PLEKHG1: variants seen among roughly 807,000 people sequenced by gnomAD.
PLEKHG1 encodes the protein pleckstrin homology domain-containing family G member 1.
PLEKHG1 carries 44 observed loss-of-function variants against 100.8 expected under a neutral mutation model. The ratio of observed to expected loss-of-function variants is 0.44; its 90% confidence interval spans 0.34 to 0.56. PLEKHG1 has a LOEUF of 0.56. Among genes scored for constraint, PLEKHG1 ranks in the 20% least tolerant of loss-of-function variants. The pLI, the probability that PLEKHG1 is intolerant of heterozygous loss-of-function variation, is 0.01. For synonymous variants in PLEKHG1, 640 were observed against 662.5 expected (o/e 0.97, Z 0.52); for missense variants, 1,545 against 1,720.9 (o/e 0.90, Z 1.81).
exon 2 of PLEKHG1, chr6:150,733,645 G>T: frequency 1.2e-6 from 2 of 1,613,998 alleles, no homozygotes; most frequent in South Asian, 2.2e-5. Context: ...ATCCCAAGAC[G>T]ACAGCCAGGC....
intron 2 of PLEKHG1, among the ~76,000 whole-genome samples, chr6:150,749,321 G>C (rs12662134): frequency 0.34 from 52,026 of 152,070 alleles, 13,508 homozygotes; most frequent in African/African-American, 0.73. Flanking sequence ...GAGATCCAGC[G>C]TGGACAGGTG....
intron 3 of PLEKHG1, among the ~76,000 whole-genome samples, chr6:150,779,351 T>G (rs1036559144): frequency 2.0e-5 from 3 of 146,362 alleles, no homozygotes; most frequent in Admixed American, 6.8e-5. Flanking sequence ...GAAGTTTTTT[T>G]TTTTTTTTTT....
intron 2 of PLEKHG1, among the ~76,000 whole-genome samples, chr6:150,741,385 G>A (rs575090023): frequency 1.3e-5 from 2 of 152,266 alleles, no homozygotes; most frequent in East Asian, 1.9e-4. Flanking sequence ...GGCAATGAGT[G>A]TCTTGTGACA....
chr6:150,833,786 A>G (rs1777085857), intron 15 of PLEKHG1, among the ~76,000 whole-genome samples: 1 of 152,190 alleles, frequency 6.6e-6, no homozygotes, highest in Admixed American at 6.5e-5. Flanking sequence ...ATCAAATGAG[A>G]GGAGTCTATT....
rs1776303772 is a variant in PLEKHG1 at position 150,600,554 on chromosome 6, T to G, written c.-204+537T>G. On this transcript the variant is annotated intron_variant, in intron 1 of 3. Transcript: ENST00000367326. The surrounding 1 kb of genome is among the most constrained non-coding windows in gnomAD (Gnocchi z 6.2). ...GCGGTGGGGGCGGCGGCCGAGCTGC[T>G]GCGGCGCTCAGGGCTTGGGGGCGCC... Among the ~76,000 whole-genome samples the G allele has an allele frequency of 6.6e-6, 1 of 152,014 alleles. No individual in the cohort carries two copies.
intron 1 of PLEKHG1, among the ~76,000 whole-genome samples, chr6:150,625,172 T>C (rs1455119455): frequency 6.6e-6 from 1 of 152,020 alleles, no homozygotes; most frequent in Non-Finnish European, 1.5e-5. Flanking sequence ...TTTTAAAAAC[T>C]ATAAAATAAG....
intron 2 of PLEKHG1, among the ~76,000 whole-genome samples, chr6:150,737,384 C>T (rs996953280): frequency 6.6e-6 from 1 of 150,864 alleles, no homozygotes; most frequent in African/African-American, 2.5e-5. Flanking sequence ...CTCCGCTTCC[C>T]GGGTTCACGC....
intron 3 of PLEKHG1, among the ~76,000 whole-genome samples, chr6:150,654,567 C>T (rs1353094200): frequency 6.6e-6 from 1 of 152,200 alleles, no homozygotes; most frequent in African/African-American, 2.4e-5. Flanking sequence ...ATTGTATAAT[C>T]TCAACACTGA....
intron 1 of PLEKHG1, chr6:150,625,656 C>A (rs4400227): frequency 0.075 from 11,400 of 152,090 alleles, 533 homozygotes; most frequent in Non-Finnish European, 0.1. Context: ...CCATGCCTGG[C>A]TAATTTTTTG....
intron 3 of PLEKHG1, among the ~76,000 whole-genome samples, chr6:150,677,711 G>GA (rs143799059): frequency 0.12 from 17,873 of 151,638 alleles, 1,244 homozygotes; most frequent in African/African-American, 0.2. Context: ...CTCTAAAAAA[G>GA]AAAAAGAAAG....
At chr6:150,613,754 C>T (rs1346068196) in intron 1 of PLEKHG1, among the ~76,000 whole-genome samples, 5 of 152,342 alleles carry the variant, frequency 3.3e-5, no homozygotes, top group African/African-American at 9.6e-5. Flanking sequence ...CTTCCCTCCA[C>T]TCCATTCAGG....
At chr6:150,754,593 G>A (rs1399612220) in intron 2 of PLEKHG1, among the ~76,000 whole-genome samples, 1 of 151,938 alleles carries the variant, frequency 6.6e-6, no homozygotes, top group Admixed American at 6.6e-5. Context: ...GAGGAGAGGC[G>A]GGATTTGTTG....
At chr6:150,707,412 C>T (rs1048563727) in intron 3 of PLEKHG1, among the ~76,000 whole-genome samples, 1 of 152,052 alleles carries the variant, frequency 6.6e-6, no homozygotes, top group Non-Finnish European at 1.5e-5. Context: ...GTACAGTGTC[C>T]GGATGTGCCC....
At chr6:150,659,299 T>TA (rs1413590984) in intron 3 of PLEKHG1, among the ~76,000 whole-genome samples, 1 of 152,212 alleles carries the variant, frequency 6.6e-6, no homozygotes, top group African/African-American at 2.4e-5. Context: ...CATTTTTTTT[T>TA]TCAGTTTTAA....
intron 1 of PLEKHG1, among the ~76,000 whole-genome samples, chr6:150,627,079 G>A (rs972285445): frequency 7.2e-5 from 11 of 151,864 alleles, no homozygotes; most frequent in Admixed American, 2.0e-4. Flanking sequence ...GAATTTGCTC[G>A]TGAACCCTGT....
intron 6 of PLEKHG1, among the ~76,000 whole-genome samples, chr6:150,802,485 G>C (rs1286294365): frequency 6.7e-6 from 1 of 149,794 alleles, no homozygotes; most frequent in Admixed American, 6.7e-5. Context: ...TATGAAACAA[G>C]TCAAGATCCT....
chr6:150,747,122 T>C (rs1035836490), intron 2 of PLEKHG1, among the ~76,000 whole-genome samples: 2 of 152,236 alleles, frequency 1.3e-5, no homozygotes, highest in African/African-American at 4.8e-5. Context: ...CTTGTTCGGT[T>C]GGGTTAGAAT....
chr6:150,822,425 C>T (rs1776359778), intron 13 of PLEKHG1, among the ~76,000 whole-genome samples: 1 of 152,152 alleles, frequency 6.6e-6, no homozygotes, highest in African/African-American at 2.4e-5. Flanking sequence ...TCCTCTTAAC[C>T]CAACAGTTTC....
At chr6:150,818,787 A>G (rs1339511077) in intron 11 of PLEKHG1, among the ~76,000 whole-genome samples, 4 of 152,254 alleles carry the variant, frequency 2.6e-5, no homozygotes, top group Admixed American at 1.3e-4. Flanking sequence ...AATAGAATAA[A>G]AAGAGAAAAC....
Sources: allele counts gnomAD v4.1 joint callset (sites outside exome capture counted in the v4.1 genomes callset), GRCh38; gene constraint gnomAD v4.1.1; non-coding constraint Gnocchi (gnomAD v3.1); transcripts MANE v1.5; gene names NCBI Gene and HGNC (gene_info 2026-07-23, HGNC 2026-07-21).